The following SDK1 variants were observed in gnomAD, a reference collection of about 807,000 sequenced individuals.
SDK1 encodes the protein sidekick cell adhesion molecule 1, also known as protein sidekick-1.
SDK1 carries 157 observed loss-of-function variants against 245.5 expected under a neutral mutation model. The observed-to-expected ratio is 0.64, with a 90% CI of 0.56 to 0.73. The LOEUF is 0.73. SDK1 is among the 30% of genes least tolerant of loss of function. SDK1 has a pLI of 0.00. For synonymous variants in SDK1, 1,647 were observed against 1,278.5 expected (o/e 1.29, Z -6.15); for missense variants, 3,583 against 3,002.3 (o/e 1.19, Z -4.52).
At chr7:3,338,291 T>G (rs1352389346) in intron 1 of SDK1, 1 of 477,022 alleles carries the variant, frequency 2.1e-6, no homozygotes, top group Non-Finnish European at 3.9e-6. Flanking sequence ...CCCACAAGTG[T>G]TACCATGGCA....
chr7:3,347,726 C>T (rs1276179232), intron 1 of SDK1, among the ~76,000 whole-genome samples: 1 of 152,098 alleles, frequency 6.6e-6, no homozygotes, highest in Non-Finnish European at 1.5e-5. Context: ...TCTTCTGAAC[C>T]TTCTGGGTAC....
At chr7:4,043,907 A>G (rs1451802490) in intron 17 of SDK1, among the ~76,000 whole-genome samples, 1 of 151,660 alleles carries the variant, frequency 6.6e-6, no homozygotes, top group Non-Finnish European at 1.5e-5. Context: ...AAACGTCACA[A>G]CAAATGTTGG....
At chr7:3,715,464 A>G (rs1425788476) in intron 4 of SDK1, among the ~76,000 whole-genome samples, 1 of 152,162 alleles carries the variant, frequency 6.6e-6, no homozygotes, top group African/African-American at 2.4e-5. Flanking sequence ...AGCCTACCGA[A>G]CCAGACACCC....
intron 22 of SDK1, among the ~76,000 whole-genome samples, chr7:4,082,910 C>T (rs909988410): frequency 4.6e-5 from 7 of 152,084 alleles, no homozygotes; most frequent in South Asian, 2.1e-4. Context: ...CATGAGCCAC[C>T]GCACCTGGCA....
intron 1 of SDK1, among the ~76,000 whole-genome samples, chr7:3,587,399 T>A (rs1262301033): frequency 6.6e-6 from 1 of 152,018 alleles, no homozygotes; most frequent in African/African-American, 2.4e-5. Context: ...ATCTATCAGC[T>A]GCAAAGTGGA....
chr7:3,432,616 C>G (rs1779889428), intron 1 of SDK1, among the ~76,000 whole-genome samples: 1 of 152,070 alleles, frequency 6.6e-6, no homozygotes, highest in Non-Finnish European at 1.5e-5. Context: ...ATAGAAAAAC[C>G]TGTGTCTGGC....
chr7:3,413,969 C>G (rs561125288), intron 1 of SDK1, among the ~76,000 whole-genome samples: 1 of 152,198 alleles, frequency 6.6e-6, no homozygotes, highest in South Asian at 2.1e-4. Context: ...GAGACCCTAT[C>G]TCTAAAAAAT....
intron 5 of SDK1, among the ~76,000 whole-genome samples, chr7:3,858,580 C>T (rs6948552): frequency 0.33 from 49,797 of 151,672 alleles, 10,519 homozygotes; most frequent in African/African-American, 0.6. Context: ...TCGTCTATGT[C>T]TGCTTTGTGT....
chr7:3,397,590 A>G (rs534929280), intron 1 of SDK1, among the ~76,000 whole-genome samples: 1 of 151,432 alleles, frequency 6.6e-6, no homozygotes, highest in East Asian at 1.9e-4. Context: ...TATGCAAGTC[A>G]TTTTTTCTGT....
At chr7:3,404,886 A>G (rs1779007504) in intron 1 of SDK1, among the ~76,000 whole-genome samples, 1 of 152,238 alleles carries the variant, frequency 6.6e-6, no homozygotes, top group African/African-American at 2.4e-5. Context: ...TGTAATGTAT[A>G]TCGTAAGATT....
At chr7:3,404,072 A>G (rs950269072) in intron 1 of SDK1, among the ~76,000 whole-genome samples, 2 of 151,462 alleles carry the variant, frequency 1.3e-5, no homozygotes, top group Non-Finnish European at 2.9e-5. Context: ...ACAAGAGTAC[A>G]TACCTTAATT....
At chr7:3,724,052 CT>C (rs1393283330) in intron 4 of SDK1, among the ~76,000 whole-genome samples, 1 of 150,644 alleles carries the variant, frequency 6.6e-6, no homozygotes, top group African/African-American at 2.4e-5. Flanking sequence ...CAACCTCCGC[CT>C]CCCGGGTTCA....
At chr7:4,077,216 T>C (rs1354144751) in intron 21 of SDK1, 27 bp downstream of exon 21, 1 of 1,601,882 alleles carries the variant, frequency 6.2e-7, no homozygotes, top group African/African-American at 1.3e-5. Context: ...GCGGTCCTCC[T>C]GCTGTCACCT....
At chr7:3,537,040 C>T (rs1209961117) in intron 1 of SDK1, among the ~76,000 whole-genome samples, 1 of 151,546 alleles carries the variant, frequency 6.6e-6, no homozygotes, top group African/African-American at 2.4e-5. Flanking sequence ...TTAACTATAC[C>T]CTCTGAGTCT....
chr7:4,201,107 G>A (rs958528052), intron 35 of SDK1, among the ~76,000 whole-genome samples: 3 of 152,338 alleles, frequency 2.0e-5, no homozygotes, highest in Admixed American at 6.5e-5. Flanking sequence ...CAGACACGGG[G>A]CTCTGCATTT....
intron 17 of SDK1, among the ~76,000 whole-genome samples, chr7:4,032,077 T>C (rs2128158972): frequency 6.7e-6 from 1 of 149,772 alleles, no homozygotes; most frequent in South Asian, 2.1e-4. Context: ...CGATCGATCA[T>C]GTCCTAGGCC....
At chr7:3,513,987 T>A (rs559094806) in intron 1 of SDK1, among the ~76,000 whole-genome samples, 1 of 152,244 alleles carries the variant, frequency 6.6e-6, no homozygotes, top group Non-Finnish European at 1.5e-5. Flanking sequence ...GGCTGTGTAA[T>A]ATTCCATGGT....
intron 14 of SDK1, among the ~76,000 whole-genome samples, chr7:3,999,759 C>T (rs562778713): frequency 1.3e-5 from 2 of 152,218 alleles, no homozygotes; most frequent in South Asian, 4.1e-4. Flanking sequence ...TTTTTAAGTA[C>T]AAAGTAATAC....
intron 17 of SDK1, among the ~76,000 whole-genome samples, chr7:4,020,975 GA>G (rs1786843244): frequency 1.3e-5 from 2 of 152,322 alleles, no homozygotes; most frequent in African/African-American, 4.8e-5. Context: ...CTGTGATGAA[GA>G]GTGTCTACTA....
Sources: gnomAD v4.1 joint callset for allele counts (sites outside exome capture counted in the v4.1 genomes callset) on GRCh38, gnomAD v4.1.1 for gene constraint, MANE v1.5 for transcripts, NCBI Gene and HGNC (gene_info 2026-07-23, HGNC 2026-07-21) for gene names.